Variants in TMEM132C observed in about 807,000 individuals in gnomAD.
TMEM132C encodes the protein protein phosphatase 1, regulatory subunit 152.
A neutral mutation model predicts 61.4 loss-of-function variants in TMEM132C; 29 were observed. The observed-to-expected ratio is 0.47, with a 90% confidence interval of 0.35 to 0.64. The LOEUF (loss-of-function observed/expected upper bound fraction) is 0.64. Among genes scored for constraint, TMEM132C ranks in the 30% least tolerant of loss-of-function variants. The pLI is 0.00. For missense variants in TMEM132C, 1,408 were observed against 1,476.9 expected, an observed-to-expected ratio of 0.95 and a Z score of 0.76; for synonymous variants, 656 against 633.1, an observed-to-expected ratio of 1.04 and a Z score of -0.54.
At chr12:128,401,544 A>G (rs931395970) in intron 1 of TMEM132C, among the ~76,000 whole-genome samples, 7 of 152,192 alleles carry the variant, frequency 4.6e-5, no homozygotes, top group African/African-American at 1.7e-4. Context: ...TCACATGCAG[A>G]TTGGACATTG....
intron 2 of TMEM132C, among the ~76,000 whole-genome samples, chr12:128,508,903 G>A (rs546926208): frequency 4.6e-5 from 7 of 152,294 alleles, no homozygotes; most frequent in African/African-American, 1.4e-4. Context: ...TCTCCCCAGC[G>A]TGGCTGACTT....
In TMEM132C at chr12:128,669,422, T is replaced by A; in HGVS notation, c.1311T>A (p.Thr437=). The change falls in exon 5 of 9, where the codon ACT becomes ACA. Residue 437 remains threonine, a synonymous_variant. Coordinates refer to ENST00000435159, the MANE Select transcript of TMEM132C (RefSeq NM_001136103.3). The stretch of plus-strand genomic sequence containing the variant: ...TGTTTGATTCTTTTTGGCAGGACAC[T>A]GAAATTCTGAACACCGCCGTACTCA... ...LVGIVPLAMD[T]EILNTAVLTG... The A allele has an allele frequency of 6.4e-7, 1 of 1,551,580 alleles. No individual in the cohort carries two copies. The highest frequency in any genetic ancestry group is 8.7e-7 in the Non-Finnish European group (1 of 1,146,940).
At chr12:128,505,481 G>A (rs182908789) in intron 2 of TMEM132C, among the ~76,000 whole-genome samples, 1 of 152,146 alleles carries the variant, frequency 6.6e-6, no homozygotes, top group Non-Finnish European at 1.5e-5. Flanking sequence ...GTTATTCCAA[G>A]TTCTTCCGGG....
chr12:128,427,343 G>T (rs1869220169), intron 2 of TMEM132C, among the ~76,000 whole-genome samples: 2 of 150,914 alleles, frequency 1.3e-5, no homozygotes. Flanking sequence ...AGTGGGGTGT[G>T]TTTTTTTGTA....
intron 2 of TMEM132C, among the ~76,000 whole-genome samples, chr12:128,485,174 C>T (rs76515543): frequency 3.9e-5 from 6 of 152,092 alleles, no homozygotes; most frequent in Non-Finnish European, 2.9e-5. Flanking sequence ...AACTAAGGCT[C>T]CCTTTTTTTG....
chr12:128,438,797 T>A lies in TMEM132C; in HGVS notation c.974+23177T>A, dbSNP rs1869683062. The A allele has an allele frequency of 1.3e-5, 2 of 152,230 alleles. 1 individual carries two copies. The highest frequency in any genetic ancestry group is 4.1e-4 in the South Asian group (2 of 4,834). The allele number at this position is 152,230 out of a possible 1,614,324, so 9.4% of individuals were successfully genotyped here. A position where few individuals can be genotyped will look rare whatever the true frequency, so the allele number is the denominator to read the frequency against. ...CCCCAAAGCCTCTGGAAGCCACCAATCTGCTTTCTGCCTCTGGATTTCCTA... is the reference window on the plus strand; with the variant it reads ...CCCCAAAGCCTCTGGAAGCCACCAAACTGCTTTCTGCCTCTGGATTTCCTA... On this transcript the variant is annotated intron_variant, in intron 2 of 8. Transcript: ENST00000435159.
chr12:128,445,802 C>A (rs1018149566), intron 2 of TMEM132C, among the ~76,000 whole-genome samples: 1 of 152,096 alleles, frequency 6.6e-6, no homozygotes, highest in East Asian at 1.9e-4. Context: ...GATTTAAAAG[C>A]CCCCCACCCC....
At position 128,414,864 on chromosome 12, in the gene TMEM132C, G is replaced by C; in HGVS notation, c.218G>C (p.Arg73Pro). The C allele has an allele frequency of 6.4e-7, 1 of 1,551,010 alleles. No individual in the cohort carries two copies. Among genetic ancestry groups the C allele is most frequent in the South Asian group, 1.2e-5 (1 of 84,050 alleles). ...AAGGAAGCCAACCAGGACCTGCTGC[G>C]GAACTCCAGCCTGCAGGCGAGGGTG... ...FLKEANQDLLRNSSLQARVES... is the reference protein window; with the variant it reads ...FLKEANQDLLPNSSLQARVES... The change falls in exon 2 of 9, where the codon CGG becomes CCG. Residue 73 changes from arginine to proline, a missense_variant. Coordinates refer to ENST00000435159, the MANE Select transcript of TMEM132C (RefSeq NM_001136103.3).
rs118059291 is a variant in TMEM132C at position 128,564,047 on chromosome 12, G to C, written c.1121+19944G>C. On this transcript the variant is annotated intron_variant, in intron 3 of 8. Transcript: ENST00000435159. ...TGAAGCCCAAGATAAAGGCATAAAG[G>C]CACCGCAGACCTGTTGTCTGAGGAG... Among the ~76,000 whole-genome samples, 226 of 152,314 alleles carry C rather than the reference G, an allele frequency of 1.5e-3. 3 individuals are homozygous for C. Among genetic ancestry groups the C allele is most frequent in the Middle Eastern group, 3.4e-3 (1 of 294 alleles).
At chr12:128,596,690 C>CG (rs1419002312) in intron 3 of TMEM132C, among the ~76,000 whole-genome samples, 1 of 134,168 alleles carries the variant, frequency 7.5e-6, no homozygotes, top group South Asian at 2.5e-4. Flanking sequence ...TCACTGATCC[C>CG]TGTTCTGTCC....
At chr12:128,400,787 T>C (rs1268666467) in intron 1 of TMEM132C, among the ~76,000 whole-genome samples, 3 of 152,036 alleles carry the variant, frequency 2.0e-5, no homozygotes, top group South Asian at 4.1e-4. Flanking sequence ...TTTTGCATTT[T>C]TTTGTGGAGA....
intron 4 of TMEM132C, among the ~76,000 whole-genome samples, chr12:128,662,119 G>A (rs1954397235): frequency 6.6e-6 from 1 of 152,112 alleles, no homozygotes; most frequent in Non-Finnish European, 1.5e-5. Context: ...TACAAAAAGT[G>A]CTAACATAAA....
At chr12:128,404,427 T>C (rs1157834371) in intron 1 of TMEM132C, 4 of 152,268 alleles carry the variant, frequency 2.6e-5, no homozygotes, top group African/African-American at 9.6e-5. Context: ...CCTAGAATTC[T>C]TGCTGTACCC....
At chr12:128,399,603 A>G (rs546663916) in intron 1 of TMEM132C, among the ~76,000 whole-genome samples, 1 of 152,176 alleles carries the variant, frequency 6.6e-6, no homozygotes, top group South Asian at 2.1e-4. Flanking sequence ...TCAAAGAGGT[A>G]AACCTGGTCT....
At chr12:128,429,929 A>C (rs1869330061) in intron 2 of TMEM132C, among the ~76,000 whole-genome samples, 1 of 152,142 alleles carries the variant, frequency 6.6e-6, no homozygotes, top group Non-Finnish European at 1.5e-5. Context: ...GCGGACAGAC[A>C]CAATTATGCC....
intron 3 of TMEM132C, among the ~76,000 whole-genome samples, chr12:128,583,609 G>C (rs1875429970): frequency 1.3e-5 from 2 of 152,150 alleles, no homozygotes; most frequent in Admixed American, 1.3e-4. Context: ...GATTGAGAGA[G>C]CTCCGTCAAC....
At chr12:128,585,504 G>A (rs1875511568) in intron 3 of TMEM132C, among the ~76,000 whole-genome samples, 1 of 152,262 alleles carries the variant, frequency 6.6e-6, no homozygotes, top group African/African-American at 2.4e-5. Context: ...TTGCAGGACT[G>A]TGTCCTGCAG....
At chr12:128,648,543 A>G (rs1164600497) in intron 4 of TMEM132C, among the ~76,000 whole-genome samples, 16 of 150,538 alleles carry the variant, frequency 1.1e-4, no homozygotes, top group Middle Eastern at 3.5e-3. Flanking sequence ...ACTGGAGTCC[A>G]TCAGCATTGG....
chr12:128,603,116 T>C (rs375728156), intron 3 of TMEM132C, among the ~76,000 whole-genome samples: 1 of 152,184 alleles, frequency 6.6e-6, no homozygotes, highest in Admixed American at 6.5e-5. Context: ...TCTAGGGGTC[T>C]TCATGACACA....
Sources: allele counts gnomAD v4.1 joint callset (sites outside exome capture counted in the v4.1 genomes callset), GRCh38; gene constraint gnomAD v4.1.1; transcripts MANE v1.5; gene names NCBI Gene and HGNC (gene_info 2026-07-23, HGNC 2026-07-21).